SEL1L2: variants seen among roughly 807,000 people sequenced by gnomAD.
The protein encoded by SEL1L2 is SEL1L2 adaptor subunit of SYVN1 ubiquitin ligase, also known as protein sel-1 homolog 2.
A neutral mutation model predicts 98.8 loss-of-function variants in SEL1L2; 89 were observed. The ratio of observed to expected loss-of-function variants is 0.90; its 90% CI spans 0.76 to 1.07. The LOEUF is 1.07. Among genes scored for constraint, SEL1L2 ranks in the 50% least tolerant of loss-of-function variants. SEL1L2 has a pLI of 0.00. For missense variants in SEL1L2, 788 were observed against 812.0 expected (o/e 0.97, Z 0.36); for synonymous variants, 262 against 278.5 (o/e 0.94, Z 0.59).
chr20:13,849,986 A>G, intron 19 of SEL1L2: 3 of 593,074 alleles, frequency 5.1e-6, no homozygotes, highest in Non-Finnish European at 5.9e-6. Flanking sequence ...TGCTGAATGA[A>G]TTAATTGCTT....
chr20:13,902,027 G>T (rs1043757789), intron 5 of SEL1L2, among the ~76,000 whole-genome samples: 3 of 152,144 alleles, frequency 2.0e-5, no homozygotes, highest in Non-Finnish European at 4.4e-5. Context: ...CCAGAAAAAG[G>T]GTAGTAATTT....
intron 2 of SEL1L2, among the ~76,000 whole-genome samples, chr20:13,942,688 C>T (rs1157839057): frequency 6.6e-6 from 1 of 152,150 alleles, no homozygotes; most frequent in Non-Finnish European, 1.5e-5. Context: ...ATAGCAAAGA[C>T]TCACATAGAA....
chr20:13,920,004 G>A (rs369680537), intron 3 of SEL1L2, among the ~76,000 whole-genome samples: 7 of 151,792 alleles, frequency 4.6e-5, no homozygotes, highest in African/African-American at 7.3e-5. Flanking sequence ...CGAGGCAGGC[G>A]GATCACTTGA....
At chr20:13,929,780 G>A (rs892801010) in intron 3 of SEL1L2, among the ~76,000 whole-genome samples, 1 of 148,914 alleles carries the variant, frequency 6.7e-6, no homozygotes, top group Non-Finnish European at 1.5e-5. Flanking sequence ...GATTATAGGA[G>A]TGAGCCACGT....
In SEL1L2 at chr20:13,850,465, CAAATGAACCTTTA is replaced by C. The variant is rs200944688; in HGVS notation, c.1819-159_1819-147del. On this transcript the variant is annotated intron_variant, in intron 18 of 19. Transcript: ENST00000284951. Reference sequence around the variant, plus strand: ...ATTATCCAAGTGGACCTCAGATAATCAAATGAACCTTTAAACAGAGTTATCTCAGGGCTGGGGA... The same window carrying C: ...ATTATCCAAGTGGACCTCAGATAATCAACAGAGTTATCTCAGGGCTGGGGA... The C allele has an allele frequency of 1.1e-4, 88 of 837,494 alleles. No individual in the cohort carries two copies. In the East Asian group the frequency reaches 1.5e-3, roughly 14 times the overall value. 51.9% of individuals were successfully genotyped at this position (837,494 alleles called of 1,614,324 possible). A position where few individuals can be genotyped will look rare whatever the true frequency, so the allele number is the denominator to read the frequency against.
At chr20:13,938,086 T>TTC (rs200925784) in intron 2 of SEL1L2, among the ~76,000 whole-genome samples, 18 of 145,832 alleles carry the variant, frequency 1.2e-4, no homozygotes, top group Non-Finnish European at 2.1e-4. Flanking sequence ...TTCTTTTCTT[T>TTC]TTTTTTTTTT....
At chr20:13,982,646 G>C (rs1338942214) in intron 1 of SEL1L2, among the ~76,000 whole-genome samples, 3 of 151,542 alleles carry the variant, frequency 2.0e-5, no homozygotes, top group Non-Finnish European at 4.4e-5. Context: ...AGAAGAAATA[G>C]ATGGGAGACA....
chr20:13,850,082 A>G (rs946784336), intron 19 of SEL1L2, 109 bp downstream of exon 19: 11 of 1,309,542 alleles, frequency 8.4e-6, no homozygotes, highest in Non-Finnish European at 1.2e-5. Flanking sequence ...TTACTTCTCA[A>G]AGGAAAGCCA....
Position 13,912,291 on chromosome 20 carries a change from G to C in SEL1L2, c.549+1491C>G, listed in dbSNP as rs987007811. Among the ~76,000 whole-genome samples, 42 of 145,626 alleles carry C rather than the reference G, an allele frequency of 2.9e-4. No homozygotes were observed. In the South Asian group the frequency reaches 6.4e-3, roughly 22 times the overall value. On this transcript the variant is annotated intron_variant, in intron 5 of 19. Transcript: ENST00000284951. ...TAGCATCTGGACTTTTTTTCTGTGG[G>C]ATTTTTTTTTTTTTTTTTTTTTTTG...
intron 10 of SEL1L2, among the ~76,000 whole-genome samples, chr20:13,879,940 T>G (rs1473109452): frequency 6.6e-6 from 1 of 152,224 alleles, no homozygotes; most frequent in East Asian, 1.9e-4. Context: ...CTTATTCAGA[T>G]TCTCCTCCTC....
intron 12 of SEL1L2, among the ~76,000 whole-genome samples, chr20:13,871,614 C>T (rs563581763): frequency 6.6e-6 from 1 of 151,992 alleles, no homozygotes; most frequent in African/African-American, 2.4e-5. Flanking sequence ...CTGGTTCAAA[C>T]TATTCTCCTG....
chr20:13,933,782 G>C (rs2049266189), intron 2 of SEL1L2, among the ~76,000 whole-genome samples: 2 of 152,086 alleles, frequency 1.3e-5, no homozygotes, highest in Admixed American at 6.5e-5. Flanking sequence ...AAAGGTTTCT[G>C]TTTTGTTTTG....
intron 1 of SEL1L2, among the ~76,000 whole-genome samples, chr20:13,983,936 G>A (rs1360888188): frequency 6.6e-6 from 1 of 151,852 alleles, no homozygotes; most frequent in South Asian, 2.1e-4. Context: ...CCTGAACACT[G>A]CCACAATCCA....
At chr20:13,956,774 A>G (rs1183090506) in intron 1 of SEL1L2, among the ~76,000 whole-genome samples, 3 of 152,204 alleles carry the variant, frequency 2.0e-5, no homozygotes, top group Non-Finnish European at 4.4e-5. Context: ...AAATTTCTTC[A>G]CTTTCTTAGA....
intron 1 of SEL1L2, among the ~76,000 whole-genome samples, chr20:13,958,294 G>T (rs2050632096): frequency 6.6e-6 from 1 of 152,084 alleles, no homozygotes; most frequent in Admixed American, 6.6e-5. Flanking sequence ...CTTCTTTAAA[G>T]GATTTAAGAT....
At position 13,877,066 on chromosome 20, in the gene SEL1L2, C is replaced by G. The variant is rs113134523; in HGVS notation, c.1026+454G>C. On this transcript the variant is annotated intron_variant, in intron 11 of 19. Transcript: ENST00000284951. ...TCTTGAACTCCTGACCTCAAACAAT[C>G]CACCTGCCTCAGCCTCCCAAAGTGC... Among the ~76,000 whole-genome samples, 17 of 152,230 alleles carry G rather than the reference C, an allele frequency of 1.1e-4. 2 individuals carry two copies. Among genetic ancestry groups the G allele is most frequent in the African/African-American group, 4.1e-4 (17 of 41,562 alleles).
chr20:13,947,354 T>A (rs149309299), intron 2 of SEL1L2, among the ~76,000 whole-genome samples: 74 of 152,026 alleles, frequency 4.9e-4, no homozygotes, highest in African/African-American at 1.8e-3. Context: ...GATGATGGGA[T>A]GACCTGCCTG....
intron 1 of SEL1L2, 95 bp downstream of exon 1, chr20:13,990,382 G>A (rs1368214037): frequency 2.2e-5 from 18 of 828,016 alleles, no homozygotes; most frequent in Non-Finnish European, 3.7e-5. Context: ...ATATAGTAAA[G>A]TTACTTCTAG....
intron 1 of SEL1L2, among the ~76,000 whole-genome samples, chr20:13,959,986 T>G (rs2050708666): frequency 6.6e-6 from 1 of 152,222 alleles, no homozygotes; most frequent in Non-Finnish European, 1.5e-5. Context: ...ATCTCTCAAT[T>G]ATAGTATCTT....
Sources: gnomAD v4.1 joint callset for allele counts (sites outside exome capture counted in the v4.1 genomes callset) on GRCh38, gnomAD v4.1.1 for gene constraint, MANE v1.5 for transcripts, NCBI Gene and HGNC (gene_info 2026-07-23, HGNC 2026-07-21) for gene names.